Variants in MIGA1 observed in about 807,000 individuals in gnomAD.
MIGA1 encodes the protein family with sequence similarity 73, member A.
In MIGA1, 58 loss-of-function variants were observed where a neutral mutation model predicts 82.0. That is an observed-to-expected ratio of 0.71 (90% CI 0.57 to 0.88). The LOEUF is 0.88. Among genes scored for constraint, MIGA1 ranks in the 40% least tolerant of loss-of-function variants. The probability of loss-of-function intolerance (pLI) is 0.00; values close to 1 mark genes in which losing one functional copy is unlikely to be tolerated. For missense variants in MIGA1, 751 were observed against 749.1 expected (o/e 1.00, Z -0.03); for synonymous variants, 249 against 253.6 (o/e 0.98, Z 0.17).
intron 13 of MIGA1, among the ~76,000 whole-genome samples, chr1:77,864,692 C>T (rs2101953216): frequency 6.6e-6 from 1 of 152,228 alleles, no homozygotes. Context: ...AATGTCAAAA[C>T]TGGGTAGATT....
intron 14 of MIGA1, among the ~76,000 whole-genome samples, chr1:77,869,838 G>T (rs1227371180): frequency 9.4e-6 from 1 of 106,880 alleles, no homozygotes; most frequent in Non-Finnish European, 1.9e-5. Context: ...CTCACCTCCC[G>T]GACGGGGCGG....
chr1:77,861,376 TTA>T (rs1193604366), intron 12 of MIGA1, 54 bp downstream of exon 12: 3 of 1,137,872 alleles, frequency 2.6e-6, no homozygotes, highest in Non-Finnish European at 4.0e-6. Context: ...GCATGTAATT[TTA>T]TATGAGTTGA....
chr1:77,812,610 G>A (rs1683384911), intron 5 of MIGA1, among the ~76,000 whole-genome samples: 1 of 152,072 alleles, frequency 6.6e-6, no homozygotes, highest in Admixed American at 6.5e-5. Flanking sequence ...TTCTTAAACA[G>A]CTTTTAAAGA....
intron 7 of MIGA1, among the ~76,000 whole-genome samples, chr1:77,828,854 T>C (rs1164418528): frequency 6.6e-6 from 1 of 152,068 alleles, no homozygotes; most frequent in African/African-American, 2.4e-5. Context: ...TTTTGTATTT[T>C]TTGTAGACAT....
At chr1:77,869,009 T>C (rs1571020688) in intron 14 of MIGA1, among the ~76,000 whole-genome samples, 1 of 151,330 alleles carries the variant, frequency 6.6e-6, no homozygotes, top group Non-Finnish European at 1.5e-5. Context: ...CATAGGACAA[T>C]AGTGGAGGGA....
intron 8 of MIGA1, among the ~76,000 whole-genome samples, chr1:77,849,125 T>TGTG (rs1684950394): frequency 6.6e-6 from 1 of 152,136 alleles, no homozygotes; most frequent in Non-Finnish European, 1.5e-5. Context: ...TTTGGCCAGA[T>TGTG]GTGGTAGCTC....
intron 7 of MIGA1, among the ~76,000 whole-genome samples, chr1:77,823,672 C>G (rs2101832839): frequency 6.6e-6 from 1 of 152,318 alleles, no homozygotes; most frequent in East Asian, 1.9e-4. Context: ...TCAAGCAATC[C>G]CCCTGCCTCA....
intron 2 of MIGA1, among the ~76,000 whole-genome samples, chr1:77,788,107 A>G (rs1022132504): frequency 1.3e-5 from 2 of 152,178 alleles, no homozygotes; most frequent in Admixed American, 1.3e-4. Context: ...GGTTCAAGCA[A>G]TTCTTCTGCC....
intron 15 of MIGA1, among the ~76,000 whole-genome samples, chr1:77,873,865 A>G (rs1215051146): frequency 2.6e-5 from 4 of 152,214 alleles, no homozygotes; most frequent in Non-Finnish European, 5.9e-5. Context: ...TTTTACTGTC[A>G]TTCAGAACAC....
chr1:77,832,558 C>T (rs765083129), intron 7 of MIGA1, among the ~76,000 whole-genome samples: 1 of 152,130 alleles, frequency 6.6e-6, no homozygotes, highest in African/African-American at 2.4e-5. Flanking sequence ...AGGAGTGACA[C>T]TTAAAGAAAG....
chr1:77,847,286 T>A (rs1684879346), intron 8 of MIGA1: 1 of 949,494 alleles, frequency 1.1e-6, no homozygotes, highest in South Asian at 1.3e-5. Flanking sequence ...CAGACCAAAC[T>A]GGAATCCAGA....
chr1:77,853,954 T>C (rs1382673934), intron 8 of MIGA1: 2 of 222,114 alleles, frequency 9.0e-6, no homozygotes, highest in East Asian at 1.1e-4. Flanking sequence ...ATAAGTTCTT[T>C]AGTGGTGATT....
chr1:77,828,138 C>A (rs1452538719), intron 7 of MIGA1, among the ~76,000 whole-genome samples: 1 of 152,104 alleles, frequency 6.6e-6, no homozygotes, highest in Non-Finnish European at 1.5e-5. Context: ...CTTGACAATA[C>A]ATTATAATTA....
chr1:77,801,607 A>G (rs565906799), intron 3 of MIGA1, 99 bp downstream of exon 3: 45 of 993,776 alleles, frequency 4.5e-5, no homozygotes, highest in South Asian at 5.8e-5. Context: ...TCTTCCTAAT[A>G]TATTATTTAA....
At chr1:77,805,644 C>T (rs901252658) in intron 4 of MIGA1, among the ~76,000 whole-genome samples, 2 of 151,612 alleles carry the variant, frequency 1.3e-5, no homozygotes, top group African/African-American at 2.4e-5. Flanking sequence ...ATTCTCCTGC[C>T]TCAGCCTCCC....
At chr1:77,808,236 T>C (rs1683183888) in intron 5 of MIGA1, among the ~76,000 whole-genome samples, 1 of 151,976 alleles carries the variant, frequency 6.6e-6, no homozygotes, top group Non-Finnish European at 1.5e-5. Flanking sequence ...AAGGACACTT[T>C]TGATTAGATT....
intron 3 of MIGA1, 45 bp downstream of exon 3, chr1:77,801,553 A>C: frequency 6.7e-7 from 1 of 1,497,690 alleles, no homozygotes; most frequent in Non-Finnish European, 8.9e-7. Flanking sequence ...TGTGTAAATC[A>C]TAACTGGAAT....
At chr1:77,868,111 A>G (rs1026714218) in intron 14 of MIGA1, 3 of 152,272 alleles carry the variant, frequency 2.0e-5, no homozygotes, top group Non-Finnish European at 4.4e-5. Flanking sequence ...CGATGATATC[A>G]GCAAGCTTAA....
chr1:77,814,091 G>A (rs957752059), intron 6 of MIGA1, among the ~76,000 whole-genome samples: 44 of 152,162 alleles, frequency 2.9e-4, no homozygotes, highest in African/African-American at 9.9e-4. Flanking sequence ...GTCTCACTAT[G>A]TTGCCCAGGC....
Sources: gnomAD v4.1 joint callset for allele counts (sites outside exome capture counted in the v4.1 genomes callset) on GRCh38, gnomAD v4.1.1 for gene constraint, MANE v1.5 for transcripts, NCBI Gene and HGNC (gene_info 2026-07-23, HGNC 2026-07-21) for gene names.